CDH4: variants seen among roughly 807,000 people sequenced by gnomAD.
CDH4 encodes cadherin-4.
Under a neutral mutation model 86.0 loss-of-function variants are expected in CDH4, and 33 were observed. That is an observed-to-expected ratio of 0.38 (90% confidence interval 0.29 to 0.51). The LOEUF (loss-of-function observed/expected upper bound fraction) is 0.51, where lower values mean the gene tolerates loss of function less well. Ranked by LOEUF, CDH4 falls within the 20% of genes least tolerant of loss-of-function variation. The pLI, the probability that CDH4 is intolerant of heterozygous loss-of-function variation, is 0.86. For synonymous variants in CDH4, 555 were observed against 549.4 expected (o/e 1.01, Z -0.14); for missense variants, 1,114 against 1,307.4 (o/e 0.85, Z 2.28).
intron 2 of CDH4, among the ~76,000 whole-genome samples, chr20:61,455,318 G>A (rs1051310396): frequency 1.3e-5 from 2 of 152,192 alleles, no homozygotes; most frequent in African/African-American, 4.8e-5. Flanking sequence ...TGAAACCTCT[G>A]TGAGGGTGAC....
chr20:61,781,093 T>C (rs1482760167), intron 4 of CDH4, among the ~76,000 whole-genome samples: 4 of 152,096 alleles, frequency 2.6e-5, no homozygotes, highest in African/African-American at 7.2e-5. Context: ...TAAGCAGAGA[T>C]TCCAGGGGAA....
intron 2 of CDH4, among the ~76,000 whole-genome samples, chr20:61,360,277 C>T (rs540127532): frequency 1.3e-5 from 2 of 152,154 alleles, no homozygotes; most frequent in African/African-American, 4.8e-5. Context: ...GAGGATCTTT[C>T]CAGGGTATGA....
At chr20:61,733,169 G>T (rs942249838) in intron 2 of CDH4, among the ~76,000 whole-genome samples, 8 of 152,166 alleles carry the variant, frequency 5.3e-5, no homozygotes, top group African/African-American at 1.7e-4. Flanking sequence ...TAGGTGCTCA[G>T]TTGCTACCGC....
chr20:61,928,501 A>C, intron 12 of CDH4, 78 bp downstream of exon 12: 1 of 1,261,750 alleles, frequency 7.9e-7, no homozygotes, highest in Non-Finnish European at 1.1e-6. Flanking sequence ...TGGCCTTGGA[A>C]GAGTGGGCAC....
intron 2 of CDH4, among the ~76,000 whole-genome samples, chr20:61,585,643 A>ATGATGGTGATGG (rs1226524145): frequency 6.6e-6 from 1 of 151,512 alleles, no homozygotes; most frequent in Non-Finnish European, 1.5e-5. Flanking sequence ...GATGGTGATG[A>ATGATGGTGATGG]TGATGGTGAT....
chr20:61,808,629 A>G (rs1403035559), intron 4 of CDH4, among the ~76,000 whole-genome samples: 2 of 152,222 alleles, frequency 1.3e-5, no homozygotes, highest in Non-Finnish European at 2.9e-5. Flanking sequence ...GCAGCCCCAC[A>G]CTGGCCCTCG....
chr20:61,560,180 A>G (rs1305225555), intron 2 of CDH4, among the ~76,000 whole-genome samples: 3 of 152,078 alleles, frequency 2.0e-5, no homozygotes, highest in African/African-American at 7.2e-5. Context: ...TCAGCATCCC[A>G]GACAGTGAAT....
intron 2 of CDH4, among the ~76,000 whole-genome samples, chr20:61,531,400 G>C (rs1424031652): frequency 1.3e-5 from 2 of 150,178 alleles, no homozygotes; most frequent in Non-Finnish European, 2.9e-5. Context: ...TTGAACCTGG[G>C]AGGCAGAGGT....
chr20:61,749,237 A>G, intron 3 of CDH4, among the ~76,000 whole-genome samples: 1 of 152,360 alleles, frequency 6.6e-6, no homozygotes, highest in East Asian at 1.9e-4. Context: ...CAAAATTGAT[A>G]GAAATAAAAG....
intron 2 of CDH4, among the ~76,000 whole-genome samples, chr20:61,736,750 G>A (rs2088269978): frequency 6.6e-6 from 1 of 152,122 alleles, no homozygotes; most frequent in Non-Finnish European, 1.5e-5. Flanking sequence ...CCTTCTTAGG[G>A]GAGCAGAATT....
chr20:61,547,198 CTT>C (rs779375514), intron 2 of CDH4, among the ~76,000 whole-genome samples: 16 of 93,648 alleles, frequency 1.7e-4, no homozygotes, highest in South Asian at 4.2e-4. Flanking sequence ...CCCCAGAGCT[CTT>C]TTTTTTTTTT....
At chr20:61,624,886 C>G (rs1196704603) in intron 2 of CDH4, among the ~76,000 whole-genome samples, 3 of 152,154 alleles carry the variant, frequency 2.0e-5, no homozygotes, top group Admixed American at 2.0e-4. Flanking sequence ...CCCCTTGATC[C>G]CAGAAACACC....
chr20:61,609,397 G>A (rs1446107095), intron 2 of CDH4, among the ~76,000 whole-genome samples: 4 of 152,178 alleles, frequency 2.6e-5, no homozygotes, highest in South Asian at 2.1e-4. Flanking sequence ...GCAATGCAGC[G>A]GCCTCTGTCC....
intron 5 of CDH4, 98 bp downstream of exon 5, chr20:61,844,921 A>G (rs769124345): frequency 1.5e-5 from 19 of 1,231,772 alleles, no homozygotes; most frequent in Non-Finnish European, 2.1e-5. Context: ...TGCCTGCCCT[A>G]ACTCTACAGG....
intron 2 of CDH4, among the ~76,000 whole-genome samples, chr20:61,324,693 C>A (rs1014071785): frequency 5.9e-5 from 9 of 152,192 alleles, no homozygotes; most frequent in Non-Finnish European, 1.5e-5. Context: ...GTGACTTTTG[C>A]AAGCATGCTG....
intron 2 of CDH4, among the ~76,000 whole-genome samples, chr20:61,730,281 C>T (rs935480425): frequency 5.9e-5 from 9 of 152,150 alleles, no homozygotes; most frequent in African/African-American, 1.9e-4. Context: ...GCAGACCTCA[C>T]AGTGCTGCTT....
rs141262228 is a variant in CDH4 at position 61,902,348 on chromosome 20, C to A, written c.1188+7301C>A. Among the ~76,000 whole-genome samples the A allele has an allele frequency of 6.6e-6, 1 of 152,220 alleles. No individual in the cohort carries two copies. Among genetic ancestry groups the A allele is most frequent in the African/African-American group, 2.4e-5 (1 of 41,462 alleles). ...CTGCCCTTCACCAGCCACGGAGACC[C>A]GGGGTCTATGGGCAGTGCCCTAAAT... On this transcript the variant is annotated intron_variant, in intron 8 of 15. Coordinates refer to ENST00000614565, the MANE Select transcript of CDH4 (RefSeq NM_001794.5). This position sits in a 1 kb window ranked among gnomAD's most constrained non-coding sequence, Gnocchi z 4.6.
intron 2 of CDH4, among the ~76,000 whole-genome samples, chr20:61,641,270 G>T (rs968328004): frequency 2.6e-5 from 4 of 152,116 alleles, no homozygotes; most frequent in African/African-American, 9.7e-5. Context: ...ATTGATGTCT[G>T]CTCAGAGGCT....
intron 2 of CDH4, among the ~76,000 whole-genome samples, chr20:61,563,115 C>T (rs2086233937): frequency 6.6e-6 from 1 of 152,204 alleles, no homozygotes; most frequent in Admixed American, 6.5e-5. Flanking sequence ...CAGCTCTGCT[C>T]TTAGCTCCAG....
Sources: allele counts gnomAD v4.1 joint callset (sites outside exome capture counted in the v4.1 genomes callset), GRCh38; gene constraint gnomAD v4.1.1; non-coding constraint Gnocchi (gnomAD v3.1); transcripts MANE v1.5; gene names NCBI Gene and HGNC (gene_info 2026-07-23, HGNC 2026-07-21).